IAH1: variants seen among roughly 807,000 people sequenced by gnomAD.
IAH1 encodes the protein isoamyl acetate hydrolyzing esterase 1 (putative).
Under a neutral mutation model 26.7 loss-of-function variants are expected in IAH1, and 24 were observed. The observed-to-expected ratio is 0.90, with a 90% CI of 0.65 to 1.26. The LOEUF is 1.26. Ranked by LOEUF, IAH1 falls within the 50% of genes most tolerant of loss-of-function variation. IAH1 has a pLI of 0.00. For synonymous variants in IAH1, 140 were observed against 118.5 expected (o/e 1.18, Z -1.18); for missense variants, 300 against 299.9 (o/e 1.00, Z 0.00).
the IAH1 span, among the ~76,000 whole-genome samples, chr2:9,506,359 G>GTTTTTT: frequency 1.4e-5 from 1 of 73,208 alleles, no homozygotes; most frequent in African/African-American, 5.7e-5. Flanking sequence ...CTTCAAATCT[G>GTTTTTT]TTTTTTTTTT....
At chr2:9,492,888 G>T, downstream of IAH1, 1 of 1,601,186 alleles carries the variant, frequency 6.2e-7, no homozygotes, top group South Asian at 1.1e-5. Context: ...CTTAAAAGTT[G>T]ATGACTTACC....
chr2:9,485,061 G>A (rs1661397835), intron 5 of IAH1: 1 of 153,356 alleles, frequency 6.5e-6, no homozygotes, highest in Non-Finnish European at 1.5e-5. Context: ...CACTTAGGGA[G>A]GACCTGGCAG....
Position 9,474,709 on chromosome 2 carries a change from G to A in IAH1, c.81+62G>A. The A allele has an allele frequency of 7.7e-7, 1 of 1,298,754 alleles. No individual in the cohort carries two copies. The highest frequency in any genetic ancestry group is 1.0e-6 in the Non-Finnish European group (1 of 954,336). The allele number at this position is 1,298,754 out of a possible 1,614,324, so 80.5% of individuals were successfully genotyped here. A position where few individuals can be genotyped will look rare whatever the true frequency, so the allele number is the denominator to read the frequency against. On this transcript the variant is annotated intron_variant, in intron 1 of 5. Coordinates refer to ENST00000497473, the MANE Select transcript of IAH1 (RefSeq NM_001039613.3). This position sits in a 1 kb window ranked among gnomAD's most constrained non-coding sequence, Gnocchi z 4.3. ...CTCCCTGCGGGGTCGCTGCCGAGCA[G>A]GCCGAGGCTCCTCGCCGTCCTCTTC...
chr2:9,474,655 C>T lies in IAH1; in HGVS notation c.81+8C>T. ...GGGGACTCCATCACCCAGGTACGGC[C>T]GCCCCGACGCTCGGCCTCCCGCCCC... On this transcript the variant is annotated splice_region_variant and intron_variant, in intron 1 of 5. Transcript: ENST00000497473. This position sits in a 1 kb window ranked among gnomAD's most constrained non-coding sequence, Gnocchi z 4.3. 1 of 1,539,672 alleles carries T rather than the reference C, an allele frequency of 6.5e-7. No individual in the cohort carries two copies. The highest frequency in any genetic ancestry group is 8.7e-7 in the Non-Finnish European group (1 of 1,146,586).
At chr2:9,499,747 C>T (rs1323444466), downstream of IAH1, among the ~76,000 whole-genome samples, 1 of 151,938 alleles carries the variant, frequency 6.6e-6, no homozygotes, top group South Asian at 2.1e-4. Flanking sequence ...GTGACAGATC[C>T]CAAAAGATAA....
At chr2:9,480,310 C>G (rs1399910290) in intron 3 of IAH1, among the ~76,000 whole-genome samples, 1 of 152,102 alleles carries the variant, frequency 6.6e-6, no homozygotes, top group Non-Finnish European at 1.5e-5. Context: ...TGAGACCAGC[C>G]TGGGCAACAG....
chr2:9,497,061 C>A, downstream of IAH1: 1 of 1,590,334 alleles, frequency 6.3e-7, no homozygotes, highest in African/African-American at 1.3e-5. Flanking sequence ...GGGAGCCTGG[C>A]AGACAAAGGC....
At chr2:9,496,974 C>T (rs1465790442), downstream of IAH1, 6 of 1,302,074 alleles carry the variant, frequency 4.6e-6, no homozygotes, top group African/African-American at 8.9e-5. Context: ...CAGACACCAC[C>T]CTGCCCTTCC....
At chr2:9,505,355 T>G in the IAH1 span, 1 of 1,613,994 alleles carries the variant, frequency 6.2e-7, no homozygotes, top group African/African-American at 1.3e-5. Flanking sequence ...TTTACTGCAG[T>G]TTGAAAACAT....
intron 1 of IAH1, chr2:9,475,098 G>T: frequency 8.0e-7 from 1 of 1,257,718 alleles, no homozygotes; most frequent in South Asian, 1.3e-5. Context: ...GCGGGCACAG[G>T]TGGGGCCGTT....
At chr2:9,491,050 C>G, downstream of IAH1, 2 of 1,537,256 alleles carry the variant, frequency 1.3e-6, no homozygotes, top group Non-Finnish European at 1.8e-6. Flanking sequence ...CTTTGCCTAA[C>G]AGGGCCTCAG....
chr2:9,474,722 C>T lies in IAH1; in HGVS notation c.81+75C>T. The T allele has an allele frequency of 1.7e-6, 2 of 1,178,628 alleles. 1 individual carries two copies. Among genetic ancestry groups the T allele is most frequent in the South Asian group, 2.9e-5 (2 of 68,990 alleles). The allele number at this position is 1,178,628 out of a possible 1,614,324, so 73.0% of individuals were successfully genotyped here. A position where few individuals can be genotyped will look rare whatever the true frequency, so the allele number is the denominator to read the frequency against. On this transcript the variant is annotated intron_variant, in intron 1 of 5. Transcript: ENST00000497473. This position sits in a 1 kb window ranked among gnomAD's most constrained non-coding sequence, Gnocchi z 4.3. ...CGCTGCCGAGCAGGCCGAGGCTCCT[C>T]GCCGTCCTCTTCGGCGCCCGAGACG...
In IAH1 at chr2:9,475,674, T is replaced by A. The variant is rs112425137; in HGVS notation, c.82-313T>A. The A allele has an allele frequency of 3.1e-4, 113 of 367,148 alleles. 1 individual carries two copies. Among genetic ancestry groups the A allele is most frequent in the African/African-American group, 2.3e-3 (110 of 47,632 alleles). 22.7% of individuals were successfully genotyped at this position (367,148 alleles called of 1,614,324 possible). On this transcript the variant is annotated intron_variant, in intron 1 of 5. Coordinates refer to ENST00000497473, the MANE Select transcript of IAH1 (RefSeq NM_001039613.3). ...CGCCACCACACCGGGCTAATTTTTG[T>A]AATTTTAGTAGAGACGGGGTTTCGC...
At chr2:9,493,613 T>A, downstream of IAH1, 1 of 704,628 alleles carries the variant, frequency 1.4e-6, no homozygotes, top group Non-Finnish European at 2.3e-6. Flanking sequence ...AACAAAGTTG[T>A]TTCATAACTA....
At chr2:9,477,543 A>G (rs1660884444) in intron 2 of IAH1, among the ~76,000 whole-genome samples, 1 of 152,120 alleles carries the variant, frequency 6.6e-6, no homozygotes. Context: ...TTTCAAACCT[A>G]CTGCCTGATG....
At position 9,478,219 on chromosome 2, in the gene IAH1, C is replaced by G. The variant is rs376471078; in HGVS notation, c.135-3C>G. 3.1e-6 allele frequency: 5 copies of G among 1,588,146 alleles called. No homozygotes were observed. In the African/African-American group the frequency reaches 6.8e-5, roughly 22 times the overall value. On this transcript the variant is annotated splice_polypyrimidine_tract_variant and splice_region_variant and intron_variant, in intron 2 of 5. Coordinates refer to ENST00000497473, the MANE Select transcript of IAH1 (RefSeq NM_001039613.3). Reference sequence around the variant, plus strand: ...TTCATCTTTTTAAAATTTTTCGTTTCAGAAAATGTGATGTTCTGAATCGTG... The same window carrying G: ...TTCATCTTTTTAAAATTTTTCGTTTGAGAAAATGTGATGTTCTGAATCGTG...
chr2:9,498,468 A>G (rs1662781263), downstream of IAH1, among the ~76,000 whole-genome samples: 2 of 152,244 alleles, frequency 1.3e-5, no homozygotes. Context: ...AAAACACTTT[A>G]TGAAAGCAAT....
downstream of IAH1, among the ~76,000 whole-genome samples, chr2:9,494,344 A>T (rs1388447892): frequency 1.3e-5 from 2 of 152,186 alleles, no homozygotes; most frequent in African/African-American, 4.8e-5. Flanking sequence ...TAAGTAATCT[A>T]GGAAAACATA....
Position 9,488,032 on chromosome 2 carries a change from A to G in IAH1, c.565-115A>G, listed in dbSNP as rs956400626. On this transcript the variant is annotated intron_variant, in intron 5 of 5. Coordinates refer to ENST00000497473, the MANE Select transcript of IAH1 (RefSeq NM_001039613.3). The stretch of plus-strand genomic sequence containing the variant: ...TATTTTTAAAATTTTTTGTAGAGAC[A>G]GGGTCTCAAACTCCTGTCTTCCAGT... 18 of 684,890 alleles carry G rather than the reference A, an allele frequency of 2.6e-5. No homozygotes were observed. In the African/African-American group the frequency reaches 3.1e-4, roughly 12 times the overall value. 42.4% of individuals were successfully genotyped at this position (684,890 alleles called of 1,614,324 possible).
Sources: gnomAD v4.1 joint callset for allele counts (sites outside exome capture counted in the v4.1 genomes callset) on GRCh38, gnomAD v4.1.1 for gene constraint, Gnocchi (gnomAD v3.1) non-coding constraint, MANE v1.5 for transcripts, NCBI Gene and HGNC (gene_info 2026-07-23, HGNC 2026-07-21) for gene names.